Variants in ARHGAP15 observed in about 807,000 individuals in gnomAD.
ARHGAP15 encodes Rho GTPase activating protein 15.
A neutral mutation model predicts 63.7 loss-of-function variants in ARHGAP15; 51 were observed. The observed-to-expected ratio is 0.80, with a 90% CI of 0.64 to 1.01. The LOEUF is 1.01. Among genes scored for constraint, ARHGAP15 ranks in the 50% least tolerant of loss-of-function variants. ARHGAP15 has a pLI of 0.00. For synonymous variants in ARHGAP15, 191 were observed against 193.8 expected, an observed-to-expected ratio of 0.99 and a Z score of 0.12; for missense variants, 560 against 564.6, an observed-to-expected ratio of 0.99 and a Z score of 0.08.
At chr2:143,416,227 T>C (rs1410317295) in intron 6 of ARHGAP15, among the ~76,000 whole-genome samples, 1 of 151,544 alleles carries the variant, frequency 6.6e-6, no homozygotes, top group Non-Finnish European at 1.5e-5. Context: ...ATCCTTCACA[T>C]GTACCCTGGA....
Position 143,756,380 on chromosome 2 carries a change from T to A in ARHGAP15, c.1245-11609T>A, listed in dbSNP as rs1046609888. ...CTAAAATATTACTAGCACATACTAG[T>A]TTTTAAATAGCTATATTGGACTAAT... On this transcript the variant is annotated intron_variant, in intron 13 of 13. Coordinates refer to ENST00000295095, the MANE Select transcript of ARHGAP15 (RefSeq NM_018460.4). Among the ~76,000 whole-genome samples the A allele has an allele frequency of 6.6e-5, 10 of 152,246 alleles. No homozygotes were observed. The South Asian group carries it at 1.2e-3, about 19-fold the overall frequency.
intron 12 of ARHGAP15, among the ~76,000 whole-genome samples, chr2:143,632,553 T>C (rs1218154513): frequency 6.6e-6 from 1 of 152,116 alleles, no homozygotes; most frequent in African/African-American, 2.4e-5. Context: ...ATGGCATCCA[T>C]AAGATCAACT....
intron 12 of ARHGAP15, among the ~76,000 whole-genome samples, chr2:143,642,171 T>G (rs1228222479): frequency 6.6e-6 from 1 of 152,160 alleles, no homozygotes; most frequent in Non-Finnish European, 1.5e-5. Context: ...TACTTCAAAA[T>G]ATTAGCAGGG....
chr2:143,710,706 G>A (rs995552654), intron 13 of ARHGAP15, among the ~76,000 whole-genome samples: 5 of 152,116 alleles, frequency 3.3e-5, no homozygotes, highest in Admixed American at 2.0e-4. Flanking sequence ...TTTCCCTCAT[G>A]AGAGGTAAAA....
intron 9 of ARHGAP15, among the ~76,000 whole-genome samples, chr2:143,498,812 G>A (rs939545399): frequency 5.3e-5 from 8 of 152,040 alleles, no homozygotes; most frequent in African/African-American, 1.7e-4. Context: ...AGGGAAAGAG[G>A]TATTTCTAGC....
chr2:143,589,260 G>A (rs370990487), intron 11 of ARHGAP15, among the ~76,000 whole-genome samples: 1 of 152,158 alleles, frequency 6.6e-6, no homozygotes, highest in East Asian at 1.9e-4. Context: ...TGCTCCAAGA[G>A]ATCTACTTCT....
At chr2:143,602,876 C>T (rs1396584611) in intron 11 of ARHGAP15, among the ~76,000 whole-genome samples, 2 of 152,142 alleles carry the variant, frequency 1.3e-5, no homozygotes, top group African/African-American at 2.4e-5. Context: ...CAAATAACCA[C>T]ACAGACGGGG....
At chr2:143,622,785 A>C (rs1410846532) in intron 11 of ARHGAP15, among the ~76,000 whole-genome samples, 14 of 13,816 alleles carry the variant, frequency 1.0e-3, no homozygotes, top group Admixed American at 4.6e-3. Context: ...TTTATTTAAA[A>C]AAAAAAAAAA....
At chr2:143,193,110 G>T (rs908222863) in intron 2 of ARHGAP15, among the ~76,000 whole-genome samples, 1 of 152,182 alleles carries the variant, frequency 6.6e-6, no homozygotes, top group Non-Finnish European at 1.5e-5. Flanking sequence ...ATAATCGAAG[G>T]TGGAGAAACA....
intron 13 of ARHGAP15, among the ~76,000 whole-genome samples, chr2:143,711,983 C>G (rs1433903189): frequency 6.6e-6 from 1 of 152,112 alleles, no homozygotes; most frequent in Non-Finnish European, 1.5e-5. Context: ...TGAAGGATCT[C>G]AAGTGGAGAG....
intron 5 of ARHGAP15, among the ~76,000 whole-genome samples, chr2:143,246,732 A>G (rs764717913): frequency 6.6e-6 from 1 of 152,016 alleles, no homozygotes; most frequent in Non-Finnish European, 1.5e-5. Flanking sequence ...AAGGAAGTGA[A>G]GCCAGGAAGG....
chr2:143,596,667 C>T (rs1377198297), intron 11 of ARHGAP15, among the ~76,000 whole-genome samples: 1 of 151,794 alleles, frequency 6.6e-6, no homozygotes, highest in East Asian at 1.9e-4. Flanking sequence ...TAACCCTTAC[C>T]CAAATGGTTA....
chr2:143,468,744 A>G (rs1198506104), intron 8 of ARHGAP15, among the ~76,000 whole-genome samples: 1 of 151,670 alleles, frequency 6.6e-6, no homozygotes, highest in Admixed American at 6.6e-5. Flanking sequence ...GGCTGAGACT[A>G]TTTGAATTGA....
At chr2:143,535,673 T>C (rs904461881) in intron 10 of ARHGAP15, among the ~76,000 whole-genome samples, 1 of 152,226 alleles carries the variant, frequency 6.6e-6, no homozygotes, top group African/African-American at 2.4e-5. Flanking sequence ...CTTCAAGATT[T>C]AGCTATACTG....
At chr2:143,737,915 C>A (rs987967452) in intron 13 of ARHGAP15, among the ~76,000 whole-genome samples, 40 of 152,054 alleles carry the variant, frequency 2.6e-4, no homozygotes, top group African/African-American at 9.4e-4. Flanking sequence ...CGCCACCACA[C>A]CCGGCTAAAT....
intron 2 of ARHGAP15, among the ~76,000 whole-genome samples, chr2:143,163,082 T>C (rs1690361934): frequency 6.6e-6 from 1 of 152,036 alleles, no homozygotes; most frequent in Non-Finnish European, 1.5e-5. Context: ...ATATTATCCT[T>C]TGCTTGCTAG....
chr2:143,178,598 T>A (rs1248627379), intron 2 of ARHGAP15, among the ~76,000 whole-genome samples: 2 of 152,272 alleles, frequency 1.3e-5, no homozygotes, highest in East Asian at 1.9e-4. Context: ...GTTGGCTATT[T>A]TTCTTCTTTT....
At chr2:143,320,943 T>C (rs890375727) in intron 6 of ARHGAP15, among the ~76,000 whole-genome samples, 1 of 152,132 alleles carries the variant, frequency 6.6e-6, no homozygotes, top group African/African-American at 2.4e-5. Flanking sequence ...GGTACAGCTG[T>C]TCCTAGCTGT....
intron 1 of ARHGAP15, among the ~76,000 whole-genome samples, chr2:143,149,347 C>G (rs1394749945): frequency 6.6e-6 from 1 of 151,984 alleles, no homozygotes; most frequent in African/African-American, 2.4e-5. Context: ...AATGGGAATT[C>G]CCTGGGTGTA....
Sources: gnomAD v4.1 joint callset for allele counts (sites outside exome capture counted in the v4.1 genomes callset) on GRCh38, gnomAD v4.1.1 for gene constraint, MANE v1.5 for transcripts, NCBI Gene and HGNC (gene_info 2026-07-23, HGNC 2026-07-21) for gene names.